Variants in BANP observed in about 807,000 individuals in gnomAD.
The protein encoded by BANP is BTG3 associated nuclear protein.
In BANP, 11 loss-of-function variants were observed where a neutral mutation model predicts 68.1. The ratio of observed to expected loss-of-function variants is 0.16; its 90% CI spans 0.10 to 0.27. The LOEUF is 0.27. Among genes scored for constraint, BANP ranks in the 10% least tolerant of loss-of-function variants. The pLI is 1.00. For synonymous variants in BANP, 329 were observed against 303.2 expected, an observed-to-expected ratio of 1.09 and a Z score of -0.88; for missense variants, 504 against 722.7, an observed-to-expected ratio of 0.70 and a Z score of 3.47.
intron 3 of BANP, among the ~76,000 whole-genome samples, chr16:87,983,172 T>G (rs2146144985): frequency 6.6e-6 from 1 of 152,318 alleles, no homozygotes; most frequent in African/African-American, 2.4e-5. Flanking sequence ...CTGTGCTGTT[T>G]TCAGCTGTTG....
At chr16:88,024,805 G>A (rs930129943) in intron 7 of BANP, among the ~76,000 whole-genome samples, 1 of 152,248 alleles carries the variant, frequency 6.6e-6, no homozygotes, top group South Asian at 2.1e-4. Flanking sequence ...ATGGAAACTC[G>A]GTGGCGGGTA....
chr16:88,074,168 A>G (rs2091083559), intron 13 of BANP, among the ~76,000 whole-genome samples: 2 of 152,186 alleles, frequency 1.3e-5, no homozygotes, highest in Non-Finnish European at 2.9e-5. Context: ...ACTGCACCCA[A>G]CAGAGACAGG....
chr16:87,975,460 A>G (rs1026470782), intron 2 of BANP, among the ~76,000 whole-genome samples: 1 of 150,774 alleles, frequency 6.6e-6, no homozygotes, highest in African/African-American at 2.4e-5. Context: ...TGTGTTCTAC[A>G]CTCTCTCCCC....
chr16:88,033,619 C>G (rs115877592), intron 9 of BANP, among the ~76,000 whole-genome samples: 201 of 152,324 alleles, frequency 1.3e-3, no homozygotes, highest in African/African-American at 4.3e-3. Flanking sequence ...TGCAGGCGCT[C>G]TCTTACTGAG....
chr16:88,037,719 T>G, intron 10 of BANP: 3 of 512,534 alleles, frequency 5.9e-6, no homozygotes, highest in Non-Finnish European at 1.0e-5. Context: ...GACATTTTCA[T>G]TTGGGGTCAG....
chr16:88,032,293 C>A (rs1415997401), intron 8 of BANP, among the ~76,000 whole-genome samples: 3 of 151,990 alleles, frequency 2.0e-5, no homozygotes, highest in Admixed American at 1.3e-4. Context: ...CCTCCGCCTC[C>A]CAGGTTCAAG....
chr16:88,068,331 T>C (rs970171804), intron 12 of BANP, among the ~76,000 whole-genome samples: 2 of 152,102 alleles, frequency 1.3e-5, no homozygotes, highest in Non-Finnish European at 2.9e-5. Flanking sequence ...TGTCGTGGAG[T>C]GCAGGCAGGT....
chr16:87,978,872 C>T (rs1388362153), intron 2 of BANP, among the ~76,000 whole-genome samples: 5 of 152,206 alleles, frequency 3.3e-5, no homozygotes, highest in Non-Finnish European at 7.3e-5. Context: ...CACGGCTTCC[C>T]GCAGGATAAG....
chr16:87,993,254 C>G (rs2066338079), intron 4 of BANP, among the ~76,000 whole-genome samples: 1 of 152,236 alleles, frequency 6.6e-6, no homozygotes, highest in African/African-American at 2.4e-5. Flanking sequence ...TTTCAGCTTT[C>G]ATCCTGCACT....
intron 1 of BANP, among the ~76,000 whole-genome samples, chr16:87,974,263 C>T (rs1228920589): frequency 2.0e-5 from 3 of 152,168 alleles, no homozygotes; most frequent in Admixed American, 6.5e-5. Flanking sequence ...AATGATGCAG[C>T]CTTATTTTTA....
chr16:87,979,642 G>A (rs2062877644), intron 2 of BANP, among the ~76,000 whole-genome samples: 1 of 152,180 alleles, frequency 6.6e-6, no homozygotes, highest in Non-Finnish European at 1.5e-5. Flanking sequence ...AAAGCAGATG[G>A]TGTGCCAAGG....
intron 8 of BANP, among the ~76,000 whole-genome samples, chr16:88,032,358 C>T (rs1449964205): frequency 3.3e-5 from 5 of 151,938 alleles, no homozygotes; most frequent in Admixed American, 6.6e-5. Flanking sequence ...CCCACCACCA[C>T]GCCTGTCTAA....
chr16:88,069,967 C>T (rs989297523), intron 12 of BANP, among the ~76,000 whole-genome samples: 2 of 152,168 alleles, frequency 1.3e-5, no homozygotes, highest in Non-Finnish European at 2.9e-5. Flanking sequence ...CTCTTCCCCC[C>T]AGCCCCAGTC....
Position 88,076,658 on chromosome 16 carries a change from G to A in BANP, c.1590G>A (p.Gln530=), listed in dbSNP as rs754326185. 2 of 1,607,802 alleles carry A rather than the reference G, an allele frequency of 1.2e-6. No individual in the cohort carries two copies. Among genetic ancestry groups the A allele is most frequent in the Admixed American group, 1.7e-5 (1 of 59,956 alleles). Residue 530 remains glutamine (Q), a synonymous_variant, in exon 14 of 14, where the codon CAG becomes CAA. Transcript: ENST00000682872. Reference sequence around the variant, plus strand: ...TCGAGCACGGGGCCATCCAGATTCAGTGAGCGGTGCCCATGGCACCAGGAG... The same window carrying A: ...TCGAGCACGGGGCCATCCAGATTCAATGAGCGGTGCCCATGGCACCAGGAG... ...MQLEHGAIQI[Q]
chr16:88,070,444 G>C (rs541079556), intron 12 of BANP, among the ~76,000 whole-genome samples: 219 of 152,328 alleles, frequency 1.4e-3, no homozygotes, highest in Non-Finnish European at 2.4e-3. Context: ...TATAGCATCT[G>C]TTTGAGACAA....
chr16:88,011,806 C>A (rs1052586479), intron 6 of BANP, among the ~76,000 whole-genome samples: 1 of 152,134 alleles, frequency 6.6e-6, no homozygotes, highest in Non-Finnish European at 1.5e-5. Context: ...AGGGTACCCC[C>A]CCTCTTCCTC....
intron 13 of BANP, among the ~76,000 whole-genome samples, chr16:88,074,478 G>GT (rs1205950182): frequency 6.6e-6 from 1 of 152,070 alleles, no homozygotes; most frequent in East Asian, 1.9e-4. Flanking sequence ...TTAATGCGCG[G>GT]TGGCCTGTGG....
chr16:87,952,951 G>T (rs12324934), intron 1 of BANP, among the ~76,000 whole-genome samples: 31,615 of 151,982 alleles, frequency 0.21, 3,798 homozygotes, highest in East Asian at 0.49. Context: ...TGTATTTTTC[G>T]TAGAGAGGGG....
intron 10 of BANP, among the ~76,000 whole-genome samples, chr16:88,035,697 C>T (rs772207122): frequency 6.6e-6 from 1 of 152,214 alleles, no homozygotes; most frequent in Non-Finnish European, 1.5e-5. Flanking sequence ...CCTGTCTGGC[C>T]CTGCCCTTCC....
Sources: allele counts gnomAD v4.1 joint callset (sites outside exome capture counted in the v4.1 genomes callset), GRCh38; gene constraint gnomAD v4.1.1; transcripts MANE v1.5; gene names NCBI Gene and HGNC (gene_info 2026-07-23, HGNC 2026-07-21).